The following CRTAC1 variants were observed in gnomAD, a reference collection of about 807,000 sequenced individuals.
The protein encoded by CRTAC1 is cartilage acidic protein 1, also known as acidic secreted protein in cartilage.
A neutral mutation model predicts 67.8 loss-of-function variants in CRTAC1; 37 were observed. The observed-to-expected ratio is 0.55, with a 90% CI of 0.42 to 0.72. The LOEUF (loss-of-function observed/expected upper bound fraction) is 0.72, where lower values mean the gene tolerates loss of function less well. Among genes scored for constraint, CRTAC1 ranks in the 30% least tolerant of loss-of-function variants. The pLI, the probability that CRTAC1 is intolerant of heterozygous loss-of-function variation, is 0.00. For missense variants in CRTAC1, 780 were observed against 931.6 expected, an observed-to-expected ratio of 0.84 and a Z score of 2.12; for synonymous variants, 348 against 371.0, an observed-to-expected ratio of 0.94 and a Z score of 0.71.
At chr10:97,894,719 T>TATATATAC in intron 11 of CRTAC1, among the ~76,000 whole-genome samples, 1 of 12,342 alleles carries the variant, frequency 8.1e-5, no homozygotes, top group Non-Finnish European at 1.5e-4. Context: ...TACATATATA[T>TATATATAC]ATATATATAT....
Position 97,901,648 on chromosome 10 carries a change from A to G in CRTAC1, c.997-9T>C. ...TTGGGTGAGGCGATGTCCTGGAGGA[A>G]ACAAGGCTGGGGGTCAGTGGCAGGA... On this transcript the variant is annotated splice_polypyrimidine_tract_variant and intron_variant, in intron 7 of 14. Coordinates refer to ENST00000370597, the MANE Select transcript of CRTAC1 (RefSeq NM_018058.7). 2 of 1,614,026 alleles carry G rather than the reference A, an allele frequency of 1.2e-6. No homozygotes were observed. The highest frequency in any genetic ancestry group is 1.7e-6 in the Non-Finnish European group (2 of 1,179,950).
chr10:98,004,808 T>C (rs984322163), intron 2 of CRTAC1, among the ~76,000 whole-genome samples: 4 of 151,880 alleles, frequency 2.6e-5, no homozygotes, highest in Admixed American at 1.3e-4. Flanking sequence ...CCAGAAATTA[T>C]ATATTTTATA....
intron 7 of CRTAC1, among the ~76,000 whole-genome samples, chr10:97,901,877 G>A (rs958282905): frequency 1.8e-4 from 28 of 152,208 alleles, no homozygotes; most frequent in Non-Finnish European, 3.8e-4. Context: ...GAAGTGCTTA[G>A]CCGATCCCTA....
chr10:97,938,793 C>T (rs1289476477), intron 2 of CRTAC1, among the ~76,000 whole-genome samples: 1 of 152,208 alleles, frequency 6.6e-6, no homozygotes, highest in African/African-American at 2.4e-5. Flanking sequence ...GGTCAGTTCT[C>T]TCTAGGCTCT....
intron 13 of CRTAC1, 39 bp downstream of exon 13, chr10:97,882,747 G>A (rs751790808): frequency 5.0e-6 from 8 of 1,610,064 alleles, no homozygotes; most frequent in African/African-American, 4.0e-5. Context: ...GGGAGATTCC[G>A]GCCTCTACCC....
chr10:98,027,702 T>C (rs1020967847), intron 1 of CRTAC1, among the ~76,000 whole-genome samples: 16 of 152,224 alleles, frequency 1.1e-4, no homozygotes, highest in African/African-American at 3.9e-4. Context: ...CTGTATTTTC[T>C]CCTCACCTCC....
chr10:97,970,943 T>A lies in CRTAC1; in HGVS notation c.225-34577A>T, dbSNP rs186824931. Among the ~76,000 whole-genome samples the A allele has an allele frequency of 5.3e-5, 8 of 152,282 alleles. No homozygotes were observed. In the East Asian group the frequency reaches 1.5e-3, roughly 29 times the overall value. ...ATGATCAGAGTACATAAAGAGACAA[T>A]TTACAAAGAGGAAACACACCCCAGC... On this transcript the variant is annotated intron_variant, in intron 2 of 14. Coordinates refer to ENST00000370597, the MANE Select transcript of CRTAC1 (RefSeq NM_018058.7).
chr10:97,901,786 G>A, intron 7 of CRTAC1, 147 bp from the exon 8 acceptor site: 8 of 925,024 alleles, frequency 8.6e-6, no homozygotes, highest in South Asian at 1.7e-5. Context: ...GGACCTGGGG[G>A]CTGCCTTTAG....
At chr10:97,953,209 G>A (rs1366270526) in intron 2 of CRTAC1, among the ~76,000 whole-genome samples, 1 of 152,148 alleles carries the variant, frequency 6.6e-6, no homozygotes, top group Non-Finnish European at 1.5e-5. Context: ...TCAGAAAGGG[G>A]TCAGATCAAG....
chr10:97,933,338 C>T (rs2051031390), intron 3 of CRTAC1, among the ~76,000 whole-genome samples: 1 of 152,252 alleles, frequency 6.6e-6, no homozygotes, highest in Non-Finnish European at 1.5e-5. Flanking sequence ...CCGGCCTCTC[C>T]CAGTGCACAC....
At chr10:97,988,939 T>C (rs762253143) in intron 2 of CRTAC1, among the ~76,000 whole-genome samples, 2 of 152,212 alleles carry the variant, frequency 1.3e-5, no homozygotes, top group Non-Finnish European at 2.9e-5. Flanking sequence ...TTTGAATCTG[T>C]GGACTCAGTA....
chr10:97,909,582 G>A (rs1381956474), intron 5 of CRTAC1, among the ~76,000 whole-genome samples: 2 of 151,996 alleles, frequency 1.3e-5, no homozygotes, highest in South Asian at 4.2e-4. Context: ...TAGAGAAAAG[G>A]GTACCCTTGT....
chr10:97,884,517 G>C (rs1385628777), intron 11 of CRTAC1, 166 bp from the exon 12 acceptor site: 1 of 653,554 alleles, frequency 1.5e-6, no homozygotes, highest in African/African-American at 1.8e-5. Flanking sequence ...CTCCTCTCTG[G>C]AGCAATGCTG....
At chr10:97,929,453 T>C (rs182080468) in intron 3 of CRTAC1, among the ~76,000 whole-genome samples, 7 of 152,294 alleles carry the variant, frequency 4.6e-5, no homozygotes, top group Admixed American at 3.3e-4. Flanking sequence ...CCAGGAGGCT[T>C]TCCCCACCTG....
chr10:97,921,709 C>T (rs1376711927), intron 4 of CRTAC1, among the ~76,000 whole-genome samples: 3 of 152,160 alleles, frequency 2.0e-5, no homozygotes, highest in Non-Finnish European at 4.4e-5. Flanking sequence ...CTCCATTCCT[C>T]CCCTGGCAGT....
chr10:97,892,432 C>T (rs1413808079), intron 11 of CRTAC1, among the ~76,000 whole-genome samples: 1 of 152,188 alleles, frequency 6.6e-6, no homozygotes, highest in Non-Finnish European at 1.5e-5. Context: ...CCGTGGTGGT[C>T]ACCTTGGTGC....
intron 2 of CRTAC1, among the ~76,000 whole-genome samples, chr10:97,954,069 A>G (rs917683256): frequency 6.6e-6 from 1 of 152,270 alleles, no homozygotes; most frequent in Middle Eastern, 3.4e-3. Flanking sequence ...TGGGAGAAAC[A>G]TCTTTGCAGC....
chr10:97,918,815 A>T, intron 4 of CRTAC1, among the ~76,000 whole-genome samples: 1 of 147,216 alleles, frequency 6.8e-6, no homozygotes. Flanking sequence ...TTTGGGTCTC[A>T]CTCTGTTGCC....
chr10:97,882,744 T>C (rs1306728710), intron 13 of CRTAC1, 42 bp downstream of exon 13: 2 of 1,609,296 alleles, frequency 1.2e-6, no homozygotes, highest in Non-Finnish European at 1.7e-6. Context: ...CCAGGGAGAT[T>C]CCGGCCTCTA....
Sources: gnomAD v4.1 joint callset for allele counts (sites outside exome capture counted in the v4.1 genomes callset) on GRCh38, gnomAD v4.1.1 for gene constraint, MANE v1.5 for transcripts, NCBI Gene and HGNC (gene_info 2026-07-23, HGNC 2026-07-21) for gene names.